Variants in ELP3 observed in about 807,000 individuals in gnomAD.
ELP3 encodes the protein elongator complex protein 3.
Under a neutral mutation model 74.9 loss-of-function variants are expected in ELP3, and 56 were observed. That is an observed-to-expected ratio of 0.75 (90% confidence interval 0.60 to 0.93). The LOEUF is 0.93. Ranked by LOEUF, ELP3 falls within the 40% of genes least tolerant of loss-of-function variation. The pLI is 0.00. For missense variants in ELP3, 573 were observed against 686.5 expected, an observed-to-expected ratio of 0.83 and a Z score of 1.85; for synonymous variants, 222 against 239.8, an observed-to-expected ratio of 0.93 and a Z score of 0.68.
In ELP3 at chr8:28,110,547, TTCC is replaced by T. The variant is rs1214680082; in HGVS notation, c.462+112_462+114del. 9.0e-6 allele frequency: 9 copies of T among 1,003,532 alleles called. No homozygotes were observed. The African/African-American group carries it at 1.5e-4, about 17-fold the overall frequency. The allele number at this position is 1,003,532 out of a possible 1,614,324, so 62.2% of individuals were successfully genotyped here. On this transcript the variant is annotated intron_variant, in intron 6 of 14. Coordinates refer to ENST00000256398, the MANE Select transcript of ELP3 (RefSeq NM_018091.6). ...TGAAATAAGAATGAAAAAGGTGTTT[TTCC>T]TCTTTGTAAGTTTTCAATATCCATT... is the stretch of plus-strand genomic sequence containing the variant.
rs1234240255 is a variant in ELP3, at chr8:28,189,881, G to A, written c.*156G>A. 8 of 741,772 alleles carry A rather than the reference G, an allele frequency of 1.1e-5. No individual in the cohort carries two copies. The highest frequency in any genetic ancestry group is 2.7e-5 in the Admixed American group (1 of 36,530). 45.9% of individuals were successfully genotyped at this position (741,772 alleles called of 1,614,324 possible). ...GACTGGAAACTGCCTTCAAGGCCAC[G>A]GCTGGTCATCTGCTGACCACACCCC... On this transcript the variant is annotated 3_prime_UTR_variant, in exon 15 of 15. Coordinates refer to ENST00000256398, the MANE Select transcript of ELP3 (RefSeq NM_018091.6).
intron 10 of ELP3, among the ~76,000 whole-genome samples, chr8:28,146,673 T>C (rs1563272642): frequency 6.6e-6 from 1 of 152,216 alleles, no homozygotes; most frequent in Non-Finnish European, 1.5e-5. Context: ...TAGTCCAGAT[T>C]GCTTACTGCA....
chr8:28,128,369 G>T (rs918638899), intron 7 of ELP3, among the ~76,000 whole-genome samples: 23 of 152,184 alleles, frequency 1.5e-4, no homozygotes, highest in African/African-American at 4.3e-4. Context: ...CTAGCTACTC[G>T]GGAGGCTGAA....
intron 7 of ELP3, among the ~76,000 whole-genome samples, chr8:28,127,227 G>C (rs994018326): frequency 2.0e-5 from 3 of 152,134 alleles, no homozygotes; most frequent in Non-Finnish European, 4.4e-5. Context: ...TGGGGCCTTT[G>C]ACACTCTGCA....
At chr8:28,098,989 C>T (rs1411384764) in intron 2 of ELP3, among the ~76,000 whole-genome samples, 1 of 152,200 alleles carries the variant, frequency 6.6e-6, no homozygotes, top group African/African-American at 2.4e-5. Context: ...CTTGGTACGC[C>T]TGTCTGCAAA....
intron 7 of ELP3, among the ~76,000 whole-genome samples, chr8:28,115,403 T>TAC (rs1236039472): frequency 6.6e-6 from 1 of 152,068 alleles, no homozygotes; most frequent in Non-Finnish European, 1.5e-5. Flanking sequence ...TTCATGCACA[T>TAC]ACACACACAC....
chr8:28,168,534 GT>G (rs937580861), intron 14 of ELP3, among the ~76,000 whole-genome samples: 4 of 152,160 alleles, frequency 2.6e-5, no homozygotes, highest in African/African-American at 9.6e-5. Context: ...GAGGAATAGG[GT>G]TATATCATGT....
At chr8:28,091,487 C>T (rs1291133179), upstream of ELP3, among the ~76,000 whole-genome samples, 2 of 152,136 alleles carry the variant, frequency 1.3e-5, no homozygotes, top group Non-Finnish European at 2.9e-5. Flanking sequence ...ACTTGGCAGG[C>T]TGGGAAGTTA....
intron 4 of ELP3, among the ~76,000 whole-genome samples, chr8:28,107,456 T>C (rs971596716): frequency 2.0e-5 from 3 of 152,136 alleles, no homozygotes; most frequent in Non-Finnish European, 4.4e-5. Context: ...ATCAGAAACA[T>C]ATCAAAATAA....
At chr8:28,180,118 A>G (rs78451053) in intron 14 of ELP3, among the ~76,000 whole-genome samples, 16 of 152,224 alleles carry the variant, frequency 1.1e-4, no homozygotes, top group African/African-American at 3.6e-4. Flanking sequence ...GGTTCTAGGT[A>G]TGGATTTCCC....
At chr8:28,106,323 G>A (rs973027685) in intron 3 of ELP3, among the ~76,000 whole-genome samples, 4 of 151,772 alleles carry the variant, frequency 2.6e-5, no homozygotes, top group Non-Finnish European at 5.9e-5. Flanking sequence ...GGCGGATCAC[G>A]AGGTCAGGAG....
At chr8:28,188,012 A>G (rs1006080011) in intron 14 of ELP3, among the ~76,000 whole-genome samples, 1 of 152,144 alleles carries the variant, frequency 6.6e-6, no homozygotes, top group African/African-American at 2.4e-5. Context: ...AAAGGAGACT[A>G]AGGAAGGGCA....
At chr8:28,158,185 C>G (rs1186018527) in intron 11 of ELP3, among the ~76,000 whole-genome samples, 1 of 151,586 alleles carries the variant, frequency 6.6e-6, no homozygotes, top group Non-Finnish European at 1.5e-5. Flanking sequence ...TTACTTTTTA[C>G]TCTTTATATA....
intron 9 of ELP3, among the ~76,000 whole-genome samples, chr8:28,137,448 G>T (rs1056122821): frequency 6.6e-6 from 1 of 152,222 alleles, no homozygotes; most frequent in Admixed American, 6.5e-5. Flanking sequence ...GGGGTGGCAT[G>T]AGATGAGATT....
At chr8:28,099,380 C>G (rs776923972) in intron 2 of ELP3, among the ~76,000 whole-genome samples, 1 of 151,944 alleles carries the variant, frequency 6.6e-6, no homozygotes, top group Non-Finnish European at 1.5e-5. Flanking sequence ...TTGAGTGTTA[C>G]AACAGGAAGA....
At chr8:28,186,321 A>T (rs1815239144) in intron 14 of ELP3, among the ~76,000 whole-genome samples, 1 of 152,210 alleles carries the variant, frequency 6.6e-6, no homozygotes, top group Non-Finnish European at 1.5e-5. Flanking sequence ...TAAAAGCAAA[A>T]ATATCCTCAA....
At chr8:28,173,900 T>C (rs1297636833) in intron 14 of ELP3, among the ~76,000 whole-genome samples, 2 of 152,036 alleles carry the variant, frequency 1.3e-5, no homozygotes, top group African/African-American at 2.4e-5. Flanking sequence ...TGCATACTTA[T>C]GAGTTTTCCA....
intron 14 of ELP3, among the ~76,000 whole-genome samples, chr8:28,168,026 C>T (rs1316907602): frequency 6.6e-6 from 1 of 152,196 alleles, no homozygotes; most frequent in Non-Finnish European, 1.5e-5. Flanking sequence ...TCTGTTGTAG[C>T]TGCACTGTGG....
At chr8:28,171,084 A>C (rs1473347845) in intron 14 of ELP3, among the ~76,000 whole-genome samples, 1 of 152,212 alleles carries the variant, frequency 6.6e-6, no homozygotes, top group East Asian at 1.9e-4. Flanking sequence ...CTTATCATCC[A>C]TCAGTCTGAT....
Sources: allele counts gnomAD v4.1 joint callset (sites outside exome capture counted in the v4.1 genomes callset), GRCh38; gene constraint gnomAD v4.1.1; transcripts MANE v1.5; gene names NCBI Gene and HGNC (gene_info 2026-07-23, HGNC 2026-07-21).